The following LIMCH1 variants were observed in gnomAD, a reference collection of about 807,000 sequenced individuals.
The protein encoded by LIMCH1 is LIM and calponin homology domains 1.
A neutral mutation model predicts 176.5 loss-of-function variants in LIMCH1; 113 were observed. That is an observed-to-expected ratio of 0.64 (90% confidence interval 0.55 to 0.75). LIMCH1 has a LOEUF of 0.75. Among genes scored for constraint, LIMCH1 ranks in the 30% least tolerant of loss-of-function variants. The probability of loss-of-function intolerance (pLI) is 0.00; values close to 1 mark genes in which losing one functional copy is unlikely to be tolerated. For synonymous variants in LIMCH1, 619 were observed against 645.9 expected, an observed-to-expected ratio of 0.96 and a Z score of 0.63; for missense variants, 1,674 against 1,814.9, an observed-to-expected ratio of 0.92 and a Z score of 1.41.
intron 1 of LIMCH1, among the ~76,000 whole-genome samples, chr4:41,460,455 C>CATATATATATATATAT (rs1302547339): frequency 0.033 from 3,045 of 91,808 alleles, 117 homozygotes; most frequent in Non-Finnish European, 0.039. Flanking sequence ...CTATAGTAAT[C>CATATATATATATATAT]ATCTATATAT....
At chr4:41,472,262 G>A (rs1046954470) in intron 1 of LIMCH1, among the ~76,000 whole-genome samples, 1 of 152,106 alleles carries the variant, frequency 6.6e-6, no homozygotes, top group African/African-American at 2.4e-5. Flanking sequence ...ACACATGTAG[G>A]CGCCTGTTTG....
chr4:41,626,657 ATT>A, intron 7 of LIMCH1, 49 bp from the exon 8 acceptor site: 1 of 1,442,954 alleles, frequency 6.9e-7, no homozygotes, highest in Non-Finnish European at 9.3e-7. Context: ...TGGAGATTTA[ATT>A]TTTTTTGTCT....
intron 3 of LIMCH1, among the ~76,000 whole-genome samples, chr4:41,526,584 C>T (rs6447083): frequency 0.96 from 146,411 of 152,230 alleles, 70,500 homozygotes; most frequent in East Asian, 1. Context: ...GTGCCTCCCT[C>T]TCTATGCTCA....
At chr4:41,644,056 C>T (rs1479016785) in intron 14 of LIMCH1, among the ~76,000 whole-genome samples, 1 of 152,122 alleles carries the variant, frequency 6.6e-6, no homozygotes, top group African/African-American at 2.4e-5. Flanking sequence ...AAGCATTTAA[C>T]GTAATACAGT....
At chr4:41,480,620 C>T (rs2068435983) in intron 1 of LIMCH1, among the ~76,000 whole-genome samples, 1 of 152,060 alleles carries the variant, frequency 6.6e-6, no homozygotes, top group Admixed American at 6.6e-5. Context: ...AAGCCAACAA[C>T]TAAAATGTTT....
intron 7 of LIMCH1, among the ~76,000 whole-genome samples, chr4:41,624,725 C>T (rs539057308): frequency 6.6e-6 from 1 of 152,136 alleles, no homozygotes; most frequent in South Asian, 2.1e-4. Context: ...GACCTGGTTG[C>T]TTATGCATTG....
chr4:41,697,231 G>A lies in LIMCH1; in HGVS notation c.*46G>A. The A allele has an allele frequency of 1.3e-6, 2 of 1,590,740 alleles. No homozygotes were observed. Among genetic ancestry groups the A allele is most frequent in the Non-Finnish European group, 1.7e-6 (2 of 1,159,298 alleles). On this transcript the variant is annotated 3_prime_UTR_variant, in exon 32 of 32. Transcript: ENST00000503057. ...ATCACTCACCATTTCTTTACTGAGA[G>A]TGTCCCCTGGCAACTGCTTAACAAA...
chr4:41,660,510 A>G (rs1409520412), intron 18 of LIMCH1, among the ~76,000 whole-genome samples: 4 of 152,226 alleles, frequency 2.6e-5, no homozygotes, highest in Non-Finnish European at 5.9e-5. Flanking sequence ...CCATAGAAAC[A>G]GAAAGGAAAT....
At chr4:41,559,681 C>T (rs898176888) in intron 1 of LIMCH1, among the ~76,000 whole-genome samples, 7 of 152,172 alleles carry the variant, frequency 4.6e-5, no homozygotes, top group Non-Finnish European at 1.0e-4. Context: ...CACTAACCCC[C>T]ATCAGCTACC....
exon 3 of LIMCH1, chr4:41,524,422 A>G (rs771934256): frequency 1.2e-5 from 20 of 1,613,764 alleles, no homozygotes; most frequent in Non-Finnish European, 1.5e-5. Flanking sequence ...GCTGAATGCT[A>G]TAAAGCCAGG....
Position 41,626,881 on chromosome 4 carries a change from A to G in LIMCH1, c.899A>G (p.Gln300Arg). 6.5e-7 allele frequency: 1 copy of G among 1,536,190 alleles called. No homozygotes were observed. The highest frequency in any genetic ancestry group is 8.7e-7 in the Non-Finnish European group (1 of 1,146,914). ...GCTGCAAGGAGAGCAAGGATGAACC[A>G]AACCAAGCCAATGGTGCCATTAAAT... Reference protein sequence around the residue: ...DFAARRARMNQTKPMVPLNQL... With the variant: ...DFAARRARMNRTKPMVPLNQL... The change falls in exon 8 of 32, where the codon CAA becomes CGA. Residue 300 changes from glutamine (Q) to arginine (R), a missense_variant. By Grantham distance (43) the Gln-to-Arg change is conservative. Around this residue, in one of 3 missense-constraint regions of LIMCH1, gnomAD observed 655 missense variants for 692.2 expected, o/e 0.95. Transcript: ENST00000503057.
At chr4:41,671,454 G>T in intron 21 of LIMCH1, 100 bp from the exon 22 acceptor site, 3 of 806,660 alleles carry the variant, frequency 3.7e-6, no homozygotes, top group Non-Finnish European at 6.0e-6. Context: ...TTGGTTTAAA[G>T]CTGATGTAGG....
In LIMCH1 at chr4:41,545,871, A is replaced by AT. The variant is rs201262043; in HGVS notation, c.-241+7530dup. Among the ~76,000 whole-genome samples, 35 of 151,340 alleles carry AT rather than the reference A, an allele frequency of 2.3e-4. 1 individual carries two copies. The South Asian group carries it at 2.7e-3, about 12-fold the overall frequency. On this transcript the variant is annotated intron_variant, in intron 1 of 31. Transcript: ENST00000503057. ...CGTTTCATACTTACTTGGCAGTTTA[A>AT]TTTTTTTTTGGCCATAGTTTACATG...
intron 15 of LIMCH1, among the ~76,000 whole-genome samples, chr4:41,645,399 C>T (rs921115495): frequency 6.6e-6 from 1 of 152,156 alleles, no homozygotes; most frequent in African/African-American, 2.4e-5. Context: ...TGGCACCTTA[C>T]GTCTATTTTC....
intron 1 of LIMCH1, among the ~76,000 whole-genome samples, chr4:41,416,510 T>C (rs2059946880): frequency 6.6e-6 from 1 of 151,444 alleles, no homozygotes; most frequent in South Asian, 2.1e-4. Context: ...AAAAAAAAAT[T>C]AGCTGGGTGT....
intron 1 of LIMCH1, among the ~76,000 whole-genome samples, chr4:41,390,151 G>T (rs1197172517): frequency 6.6e-6 from 1 of 151,364 alleles, no homozygotes; most frequent in Non-Finnish European, 1.5e-5. Context: ...CTGCCATCTT[G>T]CTGTCCTGTG....
intron 1 of LIMCH1, among the ~76,000 whole-genome samples, chr4:41,576,943 T>G (rs1240922004): frequency 1.3e-5 from 2 of 152,198 alleles, no homozygotes; most frequent in Non-Finnish European, 2.9e-5. Flanking sequence ...TTTTCTTCAG[T>G]AGGCCCACTG....
At chr4:41,454,378 GA>G (rs1404864436) in intron 1 of LIMCH1, among the ~76,000 whole-genome samples, 7 of 152,000 alleles carry the variant, frequency 4.6e-5, no homozygotes, top group Admixed American at 4.6e-4. Context: ...CTTGCACTCT[GA>G]AAAAAATTTT....
chr4:41,652,195 G>A (rs1014390261), intron 18 of LIMCH1, among the ~76,000 whole-genome samples: 8 of 152,056 alleles, frequency 5.3e-5, no homozygotes, highest in African/African-American at 1.4e-4. Context: ...CACCTAGAAG[G>A]CTGGATATCA....
Sources: allele counts gnomAD v4.1 joint callset (sites outside exome capture counted in the v4.1 genomes callset), GRCh38; gene constraint gnomAD v4.1.1; regional missense constraint gnomAD v4.1.1; transcripts MANE v1.5; gene names NCBI Gene and HGNC (gene_info 2026-07-23, HGNC 2026-07-21).